The following OPHN1 variants were observed in gnomAD, a reference collection of about 807,000 sequenced individuals.
The protein encoded by OPHN1 is oligophrenin 1.
A neutral mutation model predicts 60.7 loss-of-function variants in OPHN1; 11 were observed. The ratio of observed to expected loss-of-function variants is 0.18; its 90% CI spans 0.11 to 0.30. OPHN1 has a LOEUF of 0.30. Among genes scored for constraint, OPHN1 ranks in the 10% least tolerant of loss-of-function variants. The pLI is 1.00. For synonymous variants in OPHN1, 226 were observed against 222.6 expected (o/e 1.02, Z -0.14); for missense variants, 449 against 611.0 (o/e 0.73, Z 2.80).
intron 2 of OPHN1, among the ~76,000 whole-genome samples, chrX:68,379,641 G>C (rs1299329520): frequency 2.8e-5 from 3 of 108,627 alleles, no homozygotes; most frequent in Non-Finnish European, 3.8e-5. Flanking sequence ...TAGCATGAAG[G>C]GCTGTTGAAT....
At position 68,045,881 on chromosome X, in the gene OPHN1, G is replaced by A. The variant is rs948130750; in HGVS notation, c.*1291C>T. 2.7e-5 allele frequency: 3 copies of A among 111,427 alleles called. No individual in the cohort carries two copies. Among genetic ancestry groups the A allele is most frequent in the African/African-American group, 9.8e-5 (3 of 30,614 alleles). 9.2% of individuals were successfully genotyped at this position (111,427 alleles called of 1,213,427 possible). ...CCTTGCTAGATAAGTGTGATATAAT[G>A]GGGAAAAAAAACTTGCATAGGAGCC... On this transcript the variant is annotated 3_prime_UTR_variant, in exon 25 of 25. Coordinates refer to ENST00000355520, the MANE Select transcript of OPHN1 (RefSeq NM_002547.3).
At chrX:68,141,246 GTGAAGGTTAC>G (rs2077241354) in intron 15 of OPHN1, among the ~76,000 whole-genome samples, 2 of 112,020 alleles carry the variant, frequency 1.8e-5, no homozygotes, top group African/African-American at 3.2e-5. Context: ...ACTTCTGTGT[GTGAAGGTTAC>G]CAGTCAGACT....
chrX:68,382,851 G>C (rs939055950), intron 2 of OPHN1, among the ~76,000 whole-genome samples: 1 of 111,803 alleles, frequency 8.9e-6, no homozygotes, highest in Non-Finnish European at 1.9e-5. Context: ...AGTTGCAACA[G>C]AGAGTAGAAC....
chrX:68,318,691 A>T (rs2078221023), intron 2 of OPHN1, among the ~76,000 whole-genome samples: 1 of 111,595 alleles, frequency 9.0e-6, no homozygotes, highest in Non-Finnish European at 1.9e-5. Context: ...CTTTAATCAG[A>T]TTTCCTTGGT....
intron 2 of OPHN1, among the ~76,000 whole-genome samples, chrX:68,349,411 G>A (rs1327510186): frequency 8.9e-6 from 1 of 111,751 alleles, no homozygotes; most frequent in Non-Finnish European, 1.9e-5. Flanking sequence ...GGAAATAACA[G>A]ATGCTGGAGA....
chrX:68,185,081 T>C (rs1203736807), intron 15 of OPHN1, among the ~76,000 whole-genome samples: 1 of 112,682 alleles, frequency 8.9e-6, no homozygotes, highest in African/African-American at 3.2e-5. Flanking sequence ...TAGAAATCTT[T>C]GAGAAATATG....
intron 3 of OPHN1, among the ~76,000 whole-genome samples, chrX:68,286,499 A>G (rs761207303): frequency 3.6e-5 from 4 of 110,705 alleles, no homozygotes; most frequent in Non-Finnish European, 7.6e-5. Context: ...CCTTGTTTGT[A>G]TCTTCTAGAC....
intron 5 of OPHN1, among the ~76,000 whole-genome samples, chrX:68,268,841 C>T (rs1002492237): frequency 6.3e-5 from 7 of 111,670 alleles, no homozygotes; most frequent in South Asian, 3.8e-4. Context: ...CCTAAAAAAC[C>T]GCACTGTCTT....
At chrX:68,091,191 C>T (rs1482637020) in intron 19 of OPHN1, among the ~76,000 whole-genome samples, 1 of 111,370 alleles carries the variant, frequency 9.0e-6, no homozygotes, top group South Asian at 3.8e-4. Flanking sequence ...AATGGAAATA[C>T]GATCCATCAT....
chrX:68,407,199 C>T (rs1334801840), intron 2 of OPHN1, among the ~76,000 whole-genome samples: 5 of 111,935 alleles, frequency 4.5e-5, no homozygotes, highest in East Asian at 2.8e-4. Context: ...AACAAAACTT[C>T]GTCTCAAAAT....
chrX:68,133,267 A>G, intron 15 of OPHN1: 2 of 642,368 alleles, frequency 3.1e-6, no homozygotes, highest in East Asian at 6.5e-5. Flanking sequence ...TTACCCTCTG[A>G]CAAATCGGAA....
chrX:68,175,458 A>G (rs775479322), intron 15 of OPHN1, among the ~76,000 whole-genome samples: 5 of 110,255 alleles, frequency 4.5e-5, no homozygotes, highest in Non-Finnish European at 3.8e-5. Flanking sequence ...TCGAAAAAGG[A>G]AAAAAAAATC....
At chrX:68,217,461 T>C (rs372068766) in intron 6 of OPHN1, among the ~76,000 whole-genome samples, 3 of 111,849 alleles carry the variant, frequency 2.7e-5, no homozygotes, top group African/African-American at 9.7e-5. Flanking sequence ...TCTGTAGGCT[T>C]CATCTCTGGG....
intron 3 of OPHN1, among the ~76,000 whole-genome samples, chrX:68,284,393 TTTC>T (rs2078031429): frequency 9.1e-6 from 1 of 110,415 alleles, no homozygotes; most frequent in African/African-American, 3.3e-5. Flanking sequence ...ACTGACTCCC[TTTC>T]TTCTTCTGCC....
intron 2 of OPHN1, among the ~76,000 whole-genome samples, chrX:68,377,235 T>G (rs1327760405): frequency 9.3e-6 from 1 of 107,438 alleles, no homozygotes; most frequent in Non-Finnish European, 1.9e-5. Context: ...TAGCTGGGAC[T>G]ACAGGCGCCC....
At chrX:68,416,506 C>G (rs1426821101) in intron 2 of OPHN1, among the ~76,000 whole-genome samples, 1 of 111,147 alleles carries the variant, frequency 9.0e-6, no homozygotes, top group African/African-American at 3.3e-5. Context: ...TTCTGAATGC[C>G]CACTGGGAAA....
At chrX:68,338,596 C>T (rs2078335380) in intron 2 of OPHN1, among the ~76,000 whole-genome samples, 1 of 111,370 alleles carries the variant, frequency 9.0e-6, no homozygotes, top group East Asian at 2.8e-4. Flanking sequence ...TCTGTAAGGC[C>T]AGTATTACCC....
intron 15 of OPHN1, chrX:68,133,246 C>G: frequency 1.5e-6 from 1 of 666,882 alleles, no homozygotes; most frequent in South Asian, 2.2e-5. Context: ...TGAAGAAGGA[C>G]CAGCCCACAT....
At chrX:68,122,863 C>G (rs2077155959) in intron 15 of OPHN1, among the ~76,000 whole-genome samples, 1 of 110,543 alleles carries the variant, frequency 9.0e-6, no homozygotes, top group African/African-American at 3.3e-5. Context: ...AAAATAGTCT[C>G]AAAAGGGCAT....
Sources: allele counts gnomAD v4.1 joint callset (sites outside exome capture counted in the v4.1 genomes callset), GRCh38; gene constraint gnomAD v4.1.1; transcripts MANE v1.5; gene names NCBI Gene and HGNC (gene_info 2026-07-23, HGNC 2026-07-21).